The following SEL1L2 variants were observed in gnomAD, a reference collection of about 807,000 sequenced individuals.
The protein encoded by SEL1L2 is SEL1L2 adaptor subunit of SYVN1 ubiquitin ligase.
A neutral mutation model predicts 98.8 loss-of-function variants in SEL1L2; 89 were observed. The ratio of observed to expected loss-of-function variants is 0.90; its 90% CI spans 0.76 to 1.07. SEL1L2 has a LOEUF of 1.07. Among genes scored for constraint, SEL1L2 ranks in the 50% least tolerant of loss-of-function variants. The probability of loss-of-function intolerance (pLI) is 0.00; values close to 1 mark genes in which losing one functional copy is unlikely to be tolerated. For synonymous variants in SEL1L2, 262 were observed against 278.5 expected (o/e 0.94, Z 0.59); for missense variants, 788 against 812.0 (o/e 0.97, Z 0.36).
chr20:13,879,807 G>C (rs1026664902), intron 10 of SEL1L2, among the ~76,000 whole-genome samples: 2 of 152,164 alleles, frequency 1.3e-5, no homozygotes, highest in East Asian at 1.9e-4. Context: ...TACTAAATGA[G>C]AGAACACTAA....
intron 17 of SEL1L2, among the ~76,000 whole-genome samples, chr20:13,860,743 C>T (rs6110065): frequency 0.33 from 49,458 of 151,836 alleles, 8,385 homozygotes; most frequent in Middle Eastern, 0.53. Flanking sequence ...GACCTTGTTT[C>T]GTTCCATTGC....
chr20:13,858,366 A>G (rs563576706), intron 18 of SEL1L2, among the ~76,000 whole-genome samples: 69 of 152,010 alleles, frequency 4.5e-4, no homozygotes, highest in African/African-American at 1.6e-3. Flanking sequence ...TGCGAGGCCC[A>G]CTCTTTCACC....
intron 5 of SEL1L2, among the ~76,000 whole-genome samples, chr20:13,896,922 G>A (rs112545732): frequency 1.3e-3 from 203 of 152,114 alleles, no homozygotes; most frequent in African/African-American, 4.6e-3. Context: ...AAATTTATAC[G>A]GAATTGCAAA....
intron 8 of SEL1L2, among the ~76,000 whole-genome samples, chr20:13,886,983 G>A (rs1419698194): frequency 2.0e-5 from 3 of 152,024 alleles, no homozygotes; most frequent in Non-Finnish European, 4.4e-5. Context: ...AGACTCTACT[G>A]AAGATCTTGA....
intron 15 of SEL1L2, 90 bp downstream of exon 15, chr20:13,866,612 A>G: frequency 9.3e-7 from 1 of 1,077,792 alleles, no homozygotes; most frequent in Non-Finnish European, 1.3e-6. Context: ...ATATTTATAA[A>G]ATCAAAGACA....
At chr20:13,981,190 C>T (rs985799280) in intron 1 of SEL1L2, among the ~76,000 whole-genome samples, 6 of 151,932 alleles carry the variant, frequency 3.9e-5, no homozygotes, top group East Asian at 1.9e-4. Context: ...TGCAGTGAGC[C>T]GAGATCGTGC....
intron 2 of SEL1L2, among the ~76,000 whole-genome samples, chr20:13,932,682 C>T (rs1211962574): frequency 2.0e-5 from 3 of 152,102 alleles, no homozygotes; most frequent in African/African-American, 7.2e-5. Flanking sequence ...CTGCCCGCCT[C>T]GGCCTCCCAA....
intron 17 of SEL1L2, 119 bp downstream of exon 17, chr20:13,865,048 C>A: frequency 1.4e-6 from 1 of 721,816 alleles, no homozygotes; most frequent in African/African-American, 1.8e-5. Context: ...TTTGAAATGT[C>A]ACCTACTTGA....
chr20:13,976,619 T>A (rs2051551768), intron 1 of SEL1L2, among the ~76,000 whole-genome samples: 1 of 152,170 alleles, frequency 6.6e-6, no homozygotes, highest in African/African-American at 2.4e-5. Flanking sequence ...GACAAGACAT[T>A]AGACCTTTAT....
chr20:13,985,768 C>A (rs2052145249), intron 1 of SEL1L2, among the ~76,000 whole-genome samples: 1 of 152,120 alleles, frequency 6.6e-6, no homozygotes, highest in Non-Finnish European at 1.5e-5. Context: ...TTTTTCATTA[C>A]CCCAAAAAGA....
At chr20:13,992,184 T>A (rs2148598173), upstream of SEL1L2, among the ~76,000 whole-genome samples, 1 of 152,188 alleles carries the variant, frequency 6.6e-6, no homozygotes, top group Admixed American at 6.5e-5. Context: ...ACAAATCATG[T>A]CCCAGGTGTT....
intron 5 of SEL1L2, among the ~76,000 whole-genome samples, chr20:13,898,405 G>A (rs2047515414): frequency 6.6e-6 from 1 of 152,180 alleles, no homozygotes; most frequent in Admixed American, 6.5e-5. Flanking sequence ...AGTATTAGAA[G>A]AGTCTACATT....
At chr20:13,924,320 T>G (rs2048787092) in intron 3 of SEL1L2, among the ~76,000 whole-genome samples, 1 of 151,856 alleles carries the variant, frequency 6.6e-6, no homozygotes, top group Non-Finnish European at 1.5e-5. Context: ...CAGGACAATT[T>G]CTTCTGATTT....
At chr20:13,984,793 A>T (rs1191896191) in intron 1 of SEL1L2, among the ~76,000 whole-genome samples, 2 of 149,592 alleles carry the variant, frequency 1.3e-5, no homozygotes, top group South Asian at 4.3e-4. Context: ...TTGCTTTTAA[A>T]TTTTTTTTGC....
At chr20:13,882,787 A>G (rs2046766975) in intron 10 of SEL1L2, among the ~76,000 whole-genome samples, 2 of 151,024 alleles carry the variant, frequency 1.3e-5, no homozygotes, top group African/African-American at 2.4e-5. Context: ...GCAGACAAAG[A>G]TAACTGATAG....
At chr20:13,886,210 T>A in intron 9 of SEL1L2, 78 bp downstream of exon 9, 1 of 1,034,880 alleles carries the variant, frequency 9.7e-7, no homozygotes, top group Non-Finnish European at 1.4e-6. Flanking sequence ...GCATTGTTCA[T>A]CCCTCCAGGA....
At chr20:13,882,264 C>T (rs912396279) in intron 10 of SEL1L2, among the ~76,000 whole-genome samples, 3 of 152,130 alleles carry the variant, frequency 2.0e-5, no homozygotes, top group South Asian at 4.1e-4. Context: ...ATGTATCTCC[C>T]CTGCCATTCC....
chr20:13,926,668 T>C (rs992053613), intron 3 of SEL1L2, among the ~76,000 whole-genome samples: 4 of 152,190 alleles, frequency 2.6e-5, no homozygotes, highest in Non-Finnish European at 5.9e-5. Flanking sequence ...ACTCCAGCAA[T>C]TGGGCAAATA....
At chr20:13,877,849 A>G (rs1256113521) in intron 10 of SEL1L2, among the ~76,000 whole-genome samples, 2 of 152,158 alleles carry the variant, frequency 1.3e-5, no homozygotes, top group African/African-American at 2.4e-5. Flanking sequence ...TGCTTCTTAC[A>G]TTTGGAAAGC....
Sources: allele counts gnomAD v4.1 joint callset (sites outside exome capture counted in the v4.1 genomes callset), GRCh38; gene constraint gnomAD v4.1.1; transcripts MANE v1.5; gene names NCBI Gene and HGNC (gene_info 2026-07-23, HGNC 2026-07-21).